The following SMARCB1 variants were observed in gnomAD, a reference collection of about 807,000 sequenced individuals.
The protein encoded by SMARCB1 is SWI/SNF related BAF chromatin remodeling complex subunit B1.
A neutral mutation model predicts 49.0 loss-of-function variants in SMARCB1; 5 were observed. The observed-to-expected ratio is 0.10, with a 90% CI of 0.05 to 0.21. The LOEUF is 0.21. Ranked by LOEUF, SMARCB1 falls within the 10% of genes least tolerant of loss-of-function variation. The pLI is 1.00. For synonymous variants in SMARCB1, 201 were observed against 200.1 expected (o/e 1.00, Z -0.04); for missense variants, 226 against 509.2 (o/e 0.44, Z 5.35).
intron 3 of SMARCB1, among the ~76,000 whole-genome samples, chr22:23,794,092 G>A (rs1176047688): frequency 1.3e-5 from 2 of 152,222 alleles, no homozygotes; most frequent in East Asian, 3.8e-4. Context: ...TTACAGGCAT[G>A]CGCCACCACG....
Position 23,837,197 on chromosome 22 carries a change from A to G in SMARCB1, c.*3017A>G. The G allele has an allele frequency of 2.5e-6, 4 of 1,607,478 alleles. No individual in the cohort carries two copies. The highest frequency in any genetic ancestry group is 3.4e-6 in the Non-Finnish European group (4 of 1,176,930). ...ACTGTGGGGTCACCCTCCACAGCCC[A>G]GAGTCCTAGACCAGCAGAGCCTGCC... On this transcript the variant is annotated 3_prime_UTR_variant, in exon 9 of 9. Transcript: ENST00000644036.
At chr22:23,787,995 C>G (rs1167976258) in intron 1 of SMARCB1, among the ~76,000 whole-genome samples, 2 of 152,208 alleles carry the variant, frequency 1.3e-5, no homozygotes, top group South Asian at 2.1e-4. Context: ...CAGGAAAACT[C>G]TACTGGCCTT....
In SMARCB1 at chr22:23,795,613, G is replaced by A. The variant is rs879759914; in HGVS notation, c.362+1925G>A. Reference sequence around the variant, plus strand: ...GGAGGTTGCGGTGAGCCGAGGTTGCGCCATTGCTCTCCAGCCTGGGCAACG... The same window carrying A: ...GGAGGTTGCGGTGAGCCGAGGTTGCACCATTGCTCTCCAGCCTGGGCAACG... On this transcript the variant is annotated intron_variant, in intron 3 of 8. Transcript: ENST00000644036. 3.6e-4 allele frequency among the ~76,000 whole-genome samples: 54 copies of A among 151,590 alleles called. 1 individual carries two copies. The highest frequency in any genetic ancestry group is 1.2e-3 in the African/African-American group (49 of 41,270).
chr22:23,787,330 G>T (rs1928058133), intron 1 of SMARCB1, 68 bp downstream of exon 1: 4 of 952,662 alleles, frequency 4.2e-6, no homozygotes, highest in South Asian at 2.8e-5. Context: ...GGGCCCATGC[G>T]CCGAGAGCGC....
intron 5 of SMARCB1, among the ~76,000 whole-genome samples, chr22:23,812,762 G>T (rs1027547598): frequency 9.9e-5 from 15 of 151,818 alleles, no homozygotes; most frequent in African/African-American, 3.1e-4. Context: ...AAAGCATTTT[G>T]TAGAACTCAA....
At position 23,835,892 on chromosome 22, in the gene SMARCB1, G is replaced by A. The variant is rs560035016; in HGVS notation, c.*1712G>A. On this transcript the variant is annotated 3_prime_UTR_variant, in exon 9 of 9. Coordinates refer to ENST00000644036, the MANE Select transcript of SMARCB1 (RefSeq NM_003073.5). ...CTCCTGACCGCCAGCTCACACCGCC[G>A]CAAAGCCATCTCCACAAGGTCTGGC... The A allele has an allele frequency of 4.2e-5, 41 of 985,506 alleles. No individual in the cohort carries two copies. Among genetic ancestry groups the A allele is most frequent in the Middle Eastern group, 5.2e-4 (1 of 1,914 alleles). 61.0% of individuals were successfully genotyped at this position (985,506 alleles called of 1,614,324 possible). A position where few individuals can be genotyped will look rare whatever the true frequency, so the allele number is the denominator to read the frequency against.
At chr22:23,810,615 GAA>G (rs1929815026) in intron 5 of SMARCB1, among the ~76,000 whole-genome samples, 1 of 150,668 alleles carries the variant, frequency 6.6e-6, no homozygotes, top group African/African-American at 2.4e-5. Context: ...AGCATGATAA[GAA>G]AAAATGTAGA....
chr22:23,834,518 A>G lies in SMARCB1; in HGVS notation c.*338A>G, dbSNP rs878883919. 2 of 568,334 alleles carry G rather than the reference A, an allele frequency of 3.5e-6. No individual in the cohort carries two copies. The highest frequency in any genetic ancestry group is 6.5e-6 in the Non-Finnish European group (2 of 305,584). 35.2% of individuals were successfully genotyped at this position (568,334 alleles called of 1,614,324 possible). On this transcript the variant is annotated 3_prime_UTR_variant, in exon 9 of 9. Transcript: ENST00000644036. ...ACAGGTCATGTTCAATTTCTTCAAC[A>G]GGTCATGTTCAATTTCTTCAAAGTT... is the stretch of plus-strand genomic sequence containing the variant.
rs751848498 is a variant in SMARCB1, at chr22:23,837,173, CTG to C, written c.*2996_*2997del. The C allele has an allele frequency of 1.9e-6, 3 of 1,613,038 alleles. No homozygotes were observed. ...GCAATCCCTGTGAGACAGCCACGGACTGTGGGGTCACCCTCCACAGCCCAGAG... is the reference window on the plus strand; with the variant it reads ...GCAATCCCTGTGAGACAGCCACGGACTGGGGTCACCCTCCACAGCCCAGAG... On this transcript the variant is annotated 3_prime_UTR_variant, in exon 9 of 9. Coordinates refer to ENST00000644036, the MANE Select transcript of SMARCB1 (RefSeq NM_003073.5).
intron 5 of SMARCB1, among the ~76,000 whole-genome samples, chr22:23,808,050 G>T (rs922184739): frequency 6.6e-6 from 1 of 151,304 alleles, no homozygotes; most frequent in African/African-American, 2.4e-5. Context: ...CCGCCTCCCG[G>T]GTTCATGCCA....
Position 23,836,304 on chromosome 22 carries a change from C to G in SMARCB1, c.*2124C>G. 1 of 985,512 alleles carries G rather than the reference C, an allele frequency of 1.0e-6. No homozygotes were observed. The highest frequency in any genetic ancestry group is 1.2e-6 in the Non-Finnish European group (1 of 829,960). The allele number at this position is 985,512 out of a possible 1,614,324, so 61.0% of individuals were successfully genotyped here. The stretch of plus-strand genomic sequence containing the variant: ...AAAAATGAGGCATACGCCCACCTGT[C>G]AGGGTGGCTGATGAGAGACAGGAGA... On this transcript the variant is annotated 3_prime_UTR_variant, in exon 9 of 9. Coordinates refer to ENST00000644036, the MANE Select transcript of SMARCB1 (RefSeq NM_003073.5).
At chr22:23,818,151 TGTGTGTGTGTG>T (rs2029888180) in intron 6 of SMARCB1, 1 of 92,790 alleles carries the variant, frequency 1.1e-5, no homozygotes, top group Non-Finnish European at 2.3e-5. Flanking sequence ...TGTGTGTGTG[TGTGTGTGTGTG>T]TGTGTGTGTG....
intron 7 of SMARCB1, among the ~76,000 whole-genome samples, chr22:23,831,656 G>C (rs1299667362): frequency 1.3e-5 from 2 of 152,174 alleles, no homozygotes; most frequent in African/African-American, 2.4e-5. Context: ...CAGCATCAAG[G>C]GGAGGTAAAC....
At position 23,834,262 on chromosome 22, in the gene SMARCB1, C is replaced by T. The variant is rs878854600; in HGVS notation, c.*82C>T. Reference sequence around the variant, plus strand: ...CTCCATCTTCTGGCAAGGACAGAGGCGAGGGGACAGCCCAGCGCCATCCTG... The same window carrying T: ...CTCCATCTTCTGGCAAGGACAGAGGTGAGGGGACAGCCCAGCGCCATCCTG... On this transcript the variant is annotated 3_prime_UTR_variant, in exon 9 of 9. Coordinates refer to ENST00000644036, the MANE Select transcript of SMARCB1 (RefSeq NM_003073.5). The T allele has an allele frequency of 6.9e-7, 1 of 1,440,880 alleles. No homozygotes were observed. Among genetic ancestry groups the T allele is most frequent in the South Asian group, 1.2e-5 (1 of 82,032 alleles). The allele number at this position is 1,440,880 out of a possible 1,614,324, so 89.3% of individuals were successfully genotyped here.
At chr22:23,803,129 C>A in intron 4 of SMARCB1, 166 bp from the exon 5 acceptor site, 1 of 836,966 alleles carries the variant, frequency 1.2e-6, no homozygotes, top group Non-Finnish European at 2.0e-6. Context: ...AGACCGTGGC[C>A]CCGGGACCCC....
chr22:23,829,730 G>A (rs1005619145), intron 7 of SMARCB1, among the ~76,000 whole-genome samples: 2 of 152,130 alleles, frequency 1.3e-5, no homozygotes, highest in Non-Finnish European at 2.9e-5. Context: ...ATAGTGCAGC[G>A]GTTTTTGATA....
At position 23,800,975 on chromosome 22, in the gene SMARCB1, G is replaced by A. The variant is rs895404519; in HGVS notation, c.394G>A (p.Val132Ile). The A allele has an allele frequency of 6.2e-7, 1 of 1,614,064 alleles. No homozygotes were observed. Among genetic ancestry groups the A allele is most frequent in the Non-Finnish European group, 8.5e-7 (1 of 1,179,958 alleles). Residue 132 changes from valine to isoleucine, a missense_variant, in exon 4 of 9, where the codon GTA becomes ATA. Physicochemically the swap from Val to Ile is conservative, Grantham distance 29. Coordinates refer to ENST00000644036, the MANE Select transcript of SMARCB1 (RefSeq NM_003073.5). ...EQKAKRNSQWVPTLPNSSHHL... is the reference protein window; with the variant it reads ...EQKAKRNSQWIPTLPNSSHHL... ...GAAGGCCAAGAGGAACAGCCAGTGGGTACCCACCCTGCCCAACAGCTCCCA... is the reference window on the plus strand; with the variant it reads ...GAAGGCCAAGAGGAACAGCCAGTGGATACCCACCCTGCCCAACAGCTCCCA...
rs886377767 is a variant in SMARCB1, at chr22:23,837,164, A to G, written c.*2984A>G. Reference sequence around the variant, plus strand: ...TGGCCCACCGCAATCCCTGTGAGACAGCCACGGACTGTGGGGTCACCCTCC... The same window carrying G: ...TGGCCCACCGCAATCCCTGTGAGACGGCCACGGACTGTGGGGTCACCCTCC... On this transcript the variant is annotated 3_prime_UTR_variant, in exon 9 of 9. Coordinates refer to ENST00000644036, the MANE Select transcript of SMARCB1 (RefSeq NM_003073.5). 1 of 1,613,654 alleles carries G rather than the reference A, an allele frequency of 6.2e-7. No homozygotes were observed. The highest frequency in any genetic ancestry group is 1.3e-5 in the African/African-American group (1 of 75,042).
intron 5 of SMARCB1, among the ~76,000 whole-genome samples, chr22:23,804,867 C>G (rs1929395560): frequency 6.6e-6 from 1 of 152,172 alleles, no homozygotes; most frequent in South Asian, 2.1e-4. Flanking sequence ...AATCTTCAAA[C>G]AATGCAGCAT....
Sources: allele counts gnomAD v4.1 joint callset (sites outside exome capture counted in the v4.1 genomes callset), GRCh38; gene constraint gnomAD v4.1.1; transcripts MANE v1.5; gene names NCBI Gene and HGNC (gene_info 2026-07-23, HGNC 2026-07-21).